The following KIAA1549L variants were observed in gnomAD, a reference collection of about 807,000 sequenced individuals.
KIAA1549L encodes UPF0606 protein KIAA1549L.
Under a neutral mutation model 160.7 loss-of-function variants are expected in KIAA1549L, and 88 were observed. The ratio of observed to expected loss-of-function variants is 0.55; its 90% CI spans 0.46 to 0.65. KIAA1549L has a LOEUF of 0.65. KIAA1549L is among the 30% of genes least tolerant of loss of function. KIAA1549L has a pLI of 0.00. For missense variants in KIAA1549L, 2,258 were observed against 2,437.5 expected, an observed-to-expected ratio of 0.93 and a Z score of 1.55; for synonymous variants, 950 against 976.7, an observed-to-expected ratio of 0.97 and a Z score of 0.51.
intron 1 of KIAA1549L, among the ~76,000 whole-genome samples, chr11:33,401,910 T>C (rs1045387781): frequency 6.6e-5 from 10 of 152,272 alleles, no homozygotes; most frequent in African/African-American, 2.4e-4. Context: ...GGAAGCCAGG[T>C]GGGTGGCATG....
At chr11:33,479,510 T>G (rs114350990) in intron 1 of KIAA1549L, among the ~76,000 whole-genome samples, 1,883 of 152,280 alleles carry the variant, frequency 0.012, 29 homozygotes, top group African/African-American at 0.043. Context: ...AAGCTGGCCC[T>G]TGAAGTGGCT....
intron 20 of KIAA1549L, among the ~76,000 whole-genome samples, chr11:33,662,841 G>C (rs1852312359): frequency 6.6e-6 from 1 of 152,162 alleles, no homozygotes; most frequent in Non-Finnish European, 1.5e-5. Context: ...GAAGAGAAAG[G>C]AACCAAGCAA....
intron 12 of KIAA1549L, among the ~76,000 whole-genome samples, chr11:33,597,825 G>A (rs1196245756): frequency 6.6e-6 from 1 of 152,216 alleles, no homozygotes; most frequent in East Asian, 1.9e-4. Context: ...GATGAGGGAG[G>A]AGGGGGAGCC....
At chr11:33,663,152 A>G (rs1852323529) in intron 20 of KIAA1549L, among the ~76,000 whole-genome samples, 3 of 152,204 alleles carry the variant, frequency 2.0e-5, no homozygotes, top group Non-Finnish European at 4.4e-5. Flanking sequence ...TTCCACATCT[A>G]TGTGAGAAAG....
At chr11:33,460,993 G>A (rs2615914) in intron 1 of KIAA1549L, among the ~76,000 whole-genome samples, 130,641 of 152,184 alleles carry the variant, frequency 0.86, 56,479 homozygotes, top group African/African-American at 0.97. Context: ...TTATTTATCT[G>A]TATTTTCTAA....
intron 1 of KIAA1549L, among the ~76,000 whole-genome samples, chr11:33,438,482 T>C (rs776261921): frequency 7.9e-5 from 12 of 152,156 alleles, no homozygotes; most frequent in Non-Finnish European, 1.5e-4. Flanking sequence ...ATGTCAGCTG[T>C]GCCCGTGGTG....
intron 1 of KIAA1549L, among the ~76,000 whole-genome samples, chr11:33,431,174 C>T (rs2761198): frequency 0.23 from 34,324 of 151,930 alleles, 4,040 homozygotes; most frequent in East Asian, 0.33. Context: ...CAGATCTTCG[C>T]GGTGAGTGTT....
chr11:33,447,002 A>G (rs1034786493), intron 1 of KIAA1549L, among the ~76,000 whole-genome samples: 5 of 152,322 alleles, frequency 3.3e-5, no homozygotes, highest in South Asian at 4.1e-4. Context: ...GAGGCTGTCT[A>G]TCACAGTTGA....
At position 33,645,922 on chromosome 11, in the gene KIAA1549L, G is replaced by GCCC; in HGVS notation, c.5647_5649dup (p.Pro1883dup). The GCCC allele has an allele frequency of 6.2e-7, 1 of 1,613,232 alleles. No individual in the cohort carries two copies. The highest frequency in any genetic ancestry group is 8.5e-7 in the Non-Finnish European group (1 of 1,179,576). On this transcript the variant is annotated inframe_insertion, in exon 17 of 21. Transcript: ENST00000658780. Reference sequence around the variant, plus strand: ...AGGCCTACGGCTCAGCCCAGCACCTGCCCTATTCGGAGGTGGTGACCAGCG... The same window carrying GCCC: ...AGGCCTACGGCTCAGCCCAGCACCTGCCCCCCTATTCGGAGGTGGTGACCAGCG...
intron 1 of KIAA1549L, among the ~76,000 whole-genome samples, chr11:33,528,399 A>G (rs770915727): frequency 6.6e-6 from 1 of 152,256 alleles, no homozygotes; most frequent in Admixed American, 6.5e-5. Context: ...TAGTACAACC[A>G]CTATAGAAAA....
intron 1 of KIAA1549L, among the ~76,000 whole-genome samples, chr11:33,445,530 T>C (rs1278153379): frequency 6.6e-6 from 1 of 152,254 alleles, no homozygotes; most frequent in African/African-American, 2.4e-5. Context: ...TGGGGCATTG[T>C]GTCCCACGAG....
chr11:33,468,907 G>T (rs556107857), intron 1 of KIAA1549L, among the ~76,000 whole-genome samples: 1 of 152,212 alleles, frequency 6.6e-6, no homozygotes, highest in Non-Finnish European at 1.5e-5. Context: ...AATGTCCCCA[G>T]GAAGGTAGAA....
intron 1 of KIAA1549L, among the ~76,000 whole-genome samples, chr11:33,446,885 A>G (rs1851623446): frequency 6.7e-6 from 1 of 149,756 alleles, no homozygotes; most frequent in Non-Finnish European, 1.5e-5. Context: ...AGACACCATC[A>G]CTTCTGCTAT....
At position 33,440,120 on chromosome 11, in the gene KIAA1549L, CTTTTTTTTTTTT is replaced by C. The variant is rs201551936; in HGVS notation, c.238+63247_238+63258del. Among the ~76,000 whole-genome samples the C allele has an allele frequency of 7.2e-5, 6 of 83,432 alleles. No homozygotes were observed. In the East Asian group the frequency reaches 1.7e-3, roughly 24 times the overall value. The allele number at this position is 83,432 out of a possible 152,430, so 54.7% of individuals were successfully genotyped here. A position where few individuals can be genotyped will look rare whatever the true frequency, so the allele number is the denominator to read the frequency against. ...GGTTATTTCCTCACCTATTTTGTTT[CTTTTTTTTTTTT>C]TTTTTTTTTTTTTTTGAGACGGAGT... On this transcript the variant is annotated intron_variant, in intron 1 of 20. Transcript: ENST00000658780.
At position 33,616,604 on chromosome 11, in the gene KIAA1549L, C is replaced by G. The variant is rs115652304; in HGVS notation, c.5280-1929C>G. Among the ~76,000 whole-genome samples the G allele has an allele frequency of 3.5e-3, 538 of 152,282 alleles. 6 individuals carry two copies. The highest frequency in any genetic ancestry group is 0.012 in the African/African-American group (516 of 41,554). ...AGCTCTTCATGGTGAAGGTCTAGAA[C>G]CAGTGGTGTCTGCTGTATTCCCAAG... On this transcript the variant is annotated intron_variant, in intron 15 of 20. Transcript: ENST00000658780.
At chr11:33,559,530 A>C (rs962994799) in intron 6 of KIAA1549L, among the ~76,000 whole-genome samples, 19 of 152,286 alleles carry the variant, frequency 1.2e-4, no homozygotes, top group African/African-American at 4.1e-4. Flanking sequence ...GGTTGTGGTA[A>C]GGAGTAAATG....
intron 1 of KIAA1549L, among the ~76,000 whole-genome samples, chr11:33,493,130 T>C (rs1003138559): frequency 6.6e-6 from 1 of 152,112 alleles, no homozygotes; most frequent in Non-Finnish European, 1.5e-5. Context: ...ACTTTTCCAT[T>C]TGAGCTGCAG....
chr11:33,490,480 T>C (rs1852632812), intron 1 of KIAA1549L, among the ~76,000 whole-genome samples: 1 of 152,088 alleles, frequency 6.6e-6, no homozygotes, highest in Admixed American at 6.6e-5. Context: ...TGTGCCACCA[T>C]GCCTAGCTAT....
rs1180587237 is a variant in KIAA1549L at position 33,413,461 on chromosome 11, C to T, written c.238+36572C>T. Among the ~76,000 whole-genome samples, 4 of 149,888 alleles carry T rather than the reference C, an allele frequency of 2.7e-5. No homozygotes were observed. In the East Asian group the frequency reaches 5.9e-4, roughly 22 times the overall value. ...TTTAAAAAAAAAAAAAAAAGCAATA[C>T]GTCTTAACATTCTTCAGAGTGAGTG... On this transcript the variant is annotated intron_variant, in intron 1 of 20. Coordinates refer to ENST00000658780, the MANE Select transcript of KIAA1549L (RefSeq NM_012194.3).
Sources: allele counts gnomAD v4.1 joint callset (sites outside exome capture counted in the v4.1 genomes callset), GRCh38; gene constraint gnomAD v4.1.1; transcripts MANE v1.5; gene names NCBI Gene and HGNC (gene_info 2026-07-23, HGNC 2026-07-21).